Variants in STAC observed in about 807,000 individuals in gnomAD.
The protein encoded by STAC is SH3 and cysteine rich domain.
In STAC, 43 loss-of-function variants were observed where a neutral mutation model predicts 48.8. The ratio of observed to expected loss-of-function variants is 0.88; its 90% CI spans 0.69 to 1.14. STAC has a LOEUF of 1.14. Among genes scored for constraint, STAC ranks in the 50% most tolerant of loss-of-function variants. The pLI is 0.00. For missense variants in STAC, 497 were observed against 504.0 expected (o/e 0.99, Z 0.13); for synonymous variants, 193 against 179.5 (o/e 1.07, Z -0.60).
At chr3:36,463,312 C>A (rs546164621) in intron 2 of STAC, among the ~76,000 whole-genome samples, 5 of 152,016 alleles carry the variant, frequency 3.3e-5, no homozygotes, top group Non-Finnish European at 7.4e-5. Flanking sequence ...CTTTTAATTT[C>A]ATCCTCAGTC....
At chr3:36,517,367 T>C (rs1364762280) in intron 8 of STAC, among the ~76,000 whole-genome samples, 4 of 152,224 alleles carry the variant, frequency 2.6e-5, no homozygotes, top group African/African-American at 4.8e-5. Flanking sequence ...TAAAAATACA[T>C]GGCCAAGTGC....
At chr3:36,464,470 G>C (rs993275636) in intron 2 of STAC, among the ~76,000 whole-genome samples, 8 of 152,002 alleles carry the variant, frequency 5.3e-5, no homozygotes, top group Admixed American at 5.2e-4. Flanking sequence ...TAGATTTTCA[G>C]GGAACAGGTG....
chr3:36,533,098 C>G (rs1213189661), intron 10 of STAC, among the ~76,000 whole-genome samples: 1 of 152,178 alleles, frequency 6.6e-6, no homozygotes, highest in Non-Finnish European at 1.5e-5. Flanking sequence ...GTGCCCTTAA[C>G]AATGTGGAAA....
chr3:36,492,656 G>C (rs984300009), intron 5 of STAC, among the ~76,000 whole-genome samples: 1 of 152,218 alleles, frequency 6.6e-6, no homozygotes, highest in Non-Finnish European at 1.5e-5. Flanking sequence ...TTTAAAAAGA[G>C]AGTCAGGATA....
intron 6 of STAC, among the ~76,000 whole-genome samples, chr3:36,494,053 G>A (rs1438369083): frequency 6.7e-6 from 1 of 150,330 alleles, no homozygotes; most frequent in East Asian, 2.0e-4. Context: ...TCGGGAGGCT[G>A]AGGCAGGAGA....
At chr3:36,541,232 A>G (rs1451004308) in intron 10 of STAC, among the ~76,000 whole-genome samples, 2 of 152,188 alleles carry the variant, frequency 1.3e-5, no homozygotes, top group Non-Finnish European at 2.9e-5. Flanking sequence ...ATCTTGCTTC[A>G]TTGGCTGGAA....
intron 2 of STAC, among the ~76,000 whole-genome samples, chr3:36,469,493 T>C (rs141628716): frequency 6.6e-6 from 1 of 151,616 alleles, no homozygotes; most frequent in Non-Finnish European, 1.5e-5. Context: ...GGTTATCTGA[T>C]GTTTTTGACT....
chr3:36,449,041 C>T (rs1341241131), intron 2 of STAC, among the ~76,000 whole-genome samples: 1 of 150,410 alleles, frequency 6.6e-6, no homozygotes, highest in African/African-American at 2.5e-5. Flanking sequence ...ATCACTTGAG[C>T]CCAGGAGTTC....
chr3:36,451,612 T>C (rs1352628014), intron 2 of STAC, among the ~76,000 whole-genome samples: 1 of 152,240 alleles, frequency 6.6e-6, no homozygotes, highest in Non-Finnish European at 1.5e-5. Context: ...TTTCTTCTTT[T>C]CTTTCCTTTT....
intron 1 of STAC, among the ~76,000 whole-genome samples, chr3:36,401,695 G>A (rs1042492593): frequency 3.3e-5 from 5 of 152,108 alleles, no homozygotes; most frequent in African/African-American, 9.7e-5. Context: ...TATAATTTGC[G>A]GGGCCCAGTG....
At chr3:36,483,454 G>A (rs544677365) in intron 3 of STAC, among the ~76,000 whole-genome samples, 3 of 152,282 alleles carry the variant, frequency 2.0e-5, no homozygotes, top group African/African-American at 7.2e-5. Context: ...CTAATGGTTG[G>A]TCACTCTAGT....
intron 2 of STAC, among the ~76,000 whole-genome samples, chr3:36,462,943 C>T (rs1249465181): frequency 6.6e-6 from 1 of 152,048 alleles, no homozygotes; most frequent in Non-Finnish European, 1.5e-5. Flanking sequence ...TATAATATAA[C>T]AATTTTATAT....
intron 8 of STAC, among the ~76,000 whole-genome samples, chr3:36,521,293 G>A (rs1425383401): frequency 6.6e-6 from 1 of 152,136 alleles, no homozygotes; most frequent in Non-Finnish European, 1.5e-5. Context: ...GGCATGGGTG[G>A]TGCAAGAGGC....
intron 1 of STAC, among the ~76,000 whole-genome samples, chr3:36,396,950 T>C (rs1302979086): frequency 5.9e-5 from 9 of 152,208 alleles, no homozygotes; most frequent in Admixed American, 5.9e-4. Flanking sequence ...TCTAGTCTAC[T>C]CTAAGGCTTC....
intron 1 of STAC, among the ~76,000 whole-genome samples, chr3:36,399,626 C>T (rs73054163): frequency 0.023 from 3,551 of 152,280 alleles, 60 homozygotes; most frequent in Non-Finnish European, 0.026. Context: ...CCCAGCTGCC[C>T]TGCTCTCCTA....
rs199806857 is a variant in STAC, at chr3:36,486,121, T to A, written c.572-13T>A. The A allele has an allele frequency of 9.3e-6, 15 of 1,607,124 alleles. No homozygotes were observed. The highest frequency in any genetic ancestry group is 1.3e-5 in the Non-Finnish European group (15 of 1,175,600). ...GATGAGCTTCCTCAGATGAACTTTC[T>A]CTTCTGTTGCAGCCTGTGGCAATAA... On this transcript the variant is annotated splice_polypyrimidine_tract_variant and intron_variant, in intron 4 of 10. Coordinates refer to ENST00000273183, the MANE Select transcript of STAC (RefSeq NM_003149.3).
intron 2 of STAC, among the ~76,000 whole-genome samples, chr3:36,469,521 G>T (rs11718858): frequency 0.18 from 28,063 of 151,920 alleles, 2,806 homozygotes; most frequent in African/African-American, 0.22. Context: ...TCTTTCCTTT[G>T]TCTTGACTTT....
chr3:36,402,711 G>A (rs1309073738), intron 1 of STAC, among the ~76,000 whole-genome samples: 4 of 152,110 alleles, frequency 2.6e-5, no homozygotes, highest in African/African-American at 4.8e-5. Context: ...ATAAGAAGGA[G>A]TATAAATGAA....
intron 2 of STAC, among the ~76,000 whole-genome samples, chr3:36,479,572 G>C (rs1697589190): frequency 6.6e-6 from 1 of 152,092 alleles, no homozygotes; most frequent in Non-Finnish European, 1.5e-5. Context: ...TGGCATCTTT[G>C]TTTCCAGGTA....
Sources: allele counts gnomAD v4.1 joint callset (sites outside exome capture counted in the v4.1 genomes callset), GRCh38; gene constraint gnomAD v4.1.1; transcripts MANE v1.5; gene names NCBI Gene and HGNC (gene_info 2026-07-23, HGNC 2026-07-21).